ALKBH7: variants seen among roughly 807,000 people sequenced by gnomAD.
ALKBH7 encodes RNA demethylase ALKBH7, mitochondrial.
In ALKBH7, 21 loss-of-function variants were observed where a neutral mutation model predicts 19.3. The observed-to-expected ratio is 1.09, with a 90% CI of 0.77 to 1.56. The LOEUF is 1.56. ALKBH7 is among the 40% of genes most tolerant of loss of function. The probability of loss-of-function intolerance (pLI) is 0.00; values close to 1 mark genes in which losing one functional copy is unlikely to be tolerated. For missense variants in ALKBH7, 354 were observed against 311.4 expected, an observed-to-expected ratio of 1.14 and a Z score of -1.03; for synonymous variants, 147 against 139.5, an observed-to-expected ratio of 1.05 and a Z score of -0.38.
In ALKBH7 at chr19:6,375,127, A is replaced by G; in HGVS notation, c.*154A>G. On this transcript the variant is annotated 3_prime_UTR_variant, in exon 4 of 4. Coordinates refer to ENST00000245812, the MANE Select transcript of ALKBH7 (RefSeq NM_032306.4). ...GGGAGCTCCAGGTGTGGCTGGCTGGACACATGGTCAAAGTCACAAGGCCGG... is the reference window on the plus strand; with the variant it reads ...GGGAGCTCCAGGTGTGGCTGGCTGGGCACATGGTCAAAGTCACAAGGCCGG... 7.6e-7 allele frequency: 1 copy of G among 1,308,508 alleles called. No homozygotes were observed. The highest frequency in any genetic ancestry group is 1.6e-5 in the South Asian group (1 of 61,726). The allele number at this position is 1,308,508 out of a possible 1,614,324, so 81.1% of individuals were successfully genotyped here.
Position 6,372,846 on chromosome 19 carries a change from T to TGCGGACGCTGCCAGGGCCCA in ALKBH7, c.29_48dup (p.Trp17GlyfsTer17). 1.3e-6 allele frequency: 2 copies of TGCGGACGCTGCCAGGGCCCA among 1,547,714 alleles called. No individual in the cohort carries two copies. Among genetic ancestry groups the TGCGGACGCTGCCAGGGCCCA allele is most frequent in the East Asian group, 4.8e-5 (2 of 41,518 alleles). On this transcript the variant is annotated frameshift_variant, in exon 1 of 4. Transcript: ENST00000245812. LOFTEE classifies it high-confidence loss of function. ...ATGGCCGGGACTGGGCTGCTGGCGC[T>TGCGGACGCTGCCAGGGCCCA]GCGGACGCTGCCAGGGCCCAGCTGG...
At chr19:6,373,703 G>A (rs1005584395) in intron 1 of ALKBH7, 2 of 1,256,254 alleles carry the variant, frequency 1.6e-6, no homozygotes, top group South Asian at 3.4e-5. Flanking sequence ...CGGAGATAGG[G>A]GAGACACATG....
chr19:6,374,570 G>A lies in ALKBH7; in HGVS notation c.484G>A (p.Gly162Ser), dbSNP rs531006594. ...GEWLELLLEP[G>S]SLYILRGSAR... Reference sequence around the variant, plus strand: ...GTGGCTGGAACTCTTGCTGGAGCCGGGCTCCCTCTACATCCTTAGGTACCT... The same window carrying A: ...GTGGCTGGAACTCTTGCTGGAGCCGAGCTCCCTCTACATCCTTAGGTACCT... Residue 162 changes from glycine (G) to serine (S), a missense_variant, in exon 3 of 4, where the codon GGC becomes AGC. By Grantham distance (56) the Gly-to-Ser change is moderately conservative. Transcript: ENST00000245812. 6.2e-7 allele frequency: 1 copy of A among 1,613,418 alleles called. No homozygotes were observed. Among genetic ancestry groups the A allele is most frequent in the South Asian group, 1.1e-5 (1 of 91,052 alleles).
intron 3 of ALKBH7, 94 bp from the exon 4 acceptor site, chr19:6,374,717 G>T (rs1330335889): frequency 1.3e-6 from 2 of 1,596,044 alleles, no homozygotes; most frequent in Non-Finnish European, 1.7e-6. Flanking sequence ...GTGGGAGGCA[G>T]CAGGGGGCTG....
At chr19:6,374,169 G>A in intron 1 of ALKBH7, 34 bp from the exon 2 acceptor site, 1 of 1,597,850 alleles carries the variant, frequency 6.3e-7, no homozygotes, top group Non-Finnish European at 8.5e-7. Context: ...GTTCCCTCTG[G>A]GAGCTCCCAG....
chr19:6,373,589 G>C, intron 1 of ALKBH7: 1 of 1,202,184 alleles, frequency 8.3e-7, no homozygotes, highest in Non-Finnish European at 1.0e-6. Context: ...GCGGGGCCAA[G>C]CTTGGGGCGG....
intron 1 of ALKBH7, among the ~76,000 whole-genome samples, chr19:6,373,300 A>T: frequency 3.3e-5 from 2 of 60,324 alleles, no homozygotes; most frequent in African/African-American, 6.5e-5. Context: ...GCGGGGACAA[A>T]GGAGACAGCG....
chr19:6,374,176 C>T, intron 1 of ALKBH7, 27 bp from the exon 2 acceptor site: 1 of 1,602,798 alleles, frequency 6.2e-7, no homozygotes. Flanking sequence ...CTGGGAGCTC[C>T]CAGGCTTAAC....
At chr19:6,373,866 G>C in intron 1 of ALKBH7, 1 of 1,314,972 alleles carries the variant, frequency 7.6e-7, no homozygotes, top group Non-Finnish European at 9.6e-7. Context: ...TTTGCGACCT[G>C]GGACCAAGGT....
chr19:6,375,194 G>T lies in ALKBH7; in HGVS notation c.*221G>T, dbSNP rs2091915598. ...ATTGCACTCACTGCTGGTCGCCCCA[G>T]CCCACTCCCCTCCTCGTTGTCTCTG... On this transcript the variant is annotated 3_prime_UTR_variant, in exon 4 of 4. Coordinates refer to ENST00000245812, the MANE Select transcript of ALKBH7 (RefSeq NM_032306.4). 7.5e-7 allele frequency: 1 copy of T among 1,339,330 alleles called. No homozygotes were observed. Among genetic ancestry groups the T allele is most frequent in the Non-Finnish European group, 9.7e-7 (1 of 1,030,038 alleles). The allele number at this position is 1,339,330 out of a possible 1,614,324, so 83.0% of individuals were successfully genotyped here.
intron 1 of ALKBH7, chr19:6,373,675 G>T: frequency 8.0e-7 from 1 of 1,253,870 alleles, no homozygotes; most frequent in Non-Finnish European, 1.0e-6. Flanking sequence ...TTTAGAGAGG[G>T]CAGAACCACG....
chr19:6,373,151 C>T (rs1017045267), intron 1 of ALKBH7, 127 bp downstream of exon 1: 1 of 1,276,384 alleles, frequency 7.8e-7, no homozygotes. Flanking sequence ...GGAGCGGGGA[C>T]AGAGGAGACG....
Position 6,374,729 on chromosome 19 carries a change from A to C in ALKBH7, c.504-82A>C, listed in dbSNP as rs922084170. 13 of 1,593,190 alleles carry C rather than the reference A, an allele frequency of 8.2e-6. No individual in the cohort carries two copies. In the Admixed American group the frequency reaches 2.3e-4, roughly 28 times the overall value. On this transcript the variant is annotated intron_variant, in intron 3 of 3. Coordinates refer to ENST00000245812, the MANE Select transcript of ALKBH7 (RefSeq NM_032306.4). ...TGTGTGGGAGGCAGCAGGGGGCTGG[A>C]ATCCAGGAGGCTGGAATCCAGGTCT...
chr19:6,373,563 C>T, intron 1 of ALKBH7: 2 of 1,025,618 alleles, frequency 2.0e-6, no homozygotes, highest in Non-Finnish European at 2.5e-6. Context: ...GTCAGGTCGT[C>T]GAGCGCATGG....
chr19:6,373,651 CG>C (rs1424640585), intron 1 of ALKBH7: 3 of 1,139,974 alleles, frequency 2.6e-6, no homozygotes, highest in East Asian at 7.6e-5. Flanking sequence ...GTGGGGGGGA[CG>C]GGGAAGTCGA....
In ALKBH7 at chr19:6,374,191, C is replaced by G; in HGVS notation, c.205-12C>G. 6.2e-7 allele frequency: 1 copy of G among 1,607,908 alleles called. No individual in the cohort carries two copies. Among genetic ancestry groups the G allele is most frequent in the South Asian group, 1.1e-5 (1 of 90,524 alleles). ...CTGGGAGCTCCCAGGCTTAACCGAG[C>G]TCTCTGTGCAGGCCATCCACGGCTT... is the stretch of plus-strand genomic sequence containing the variant. On this transcript the variant is annotated splice_polypyrimidine_tract_variant and intron_variant, in intron 1 of 3. Coordinates refer to ENST00000245812, the MANE Select transcript of ALKBH7 (RefSeq NM_032306.4).
rs928733168 is a variant in ALKBH7 at position 6,372,903 on chromosome 19, G to A, written c.83G>A (p.Arg28His). The A allele has an allele frequency of 8.4e-6, 13 of 1,554,352 alleles. No individual in the cohort carries two copies. The Admixed American group carries it at 9.7e-5, about 12-fold the overall frequency. Residue 28 changes from arginine to histidine, a missense_variant, in exon 1 of 4, where the codon CGC becomes CAC. Coordinates refer to ENST00000245812, the MANE Select transcript of ALKBH7 (RefSeq NM_032306.4). ...VRGSGPSVLS[R>H]LQDAAVVRPG... ...GGCTCGGGCCCTTCCGTGCTGAGCCGCCTGCAGGACGCGGCCGTGGTGCGG... is the reference window on the plus strand; with the variant it reads ...GGCTCGGGCCCTTCCGTGCTGAGCCACCTGCAGGACGCGGCCGTGGTGCGG...
At position 6,374,963 on chromosome 19, in the gene ALKBH7, C is replaced by T. The variant is rs2091914467; in HGVS notation, c.656C>T (p.Pro219Leu). The change falls in exon 4 of 4, where the codon CCA (proline) becomes CTA (leucine). Residue 219 changes from proline to leucine, a missense_variant. Transcript: ENST00000245812. The part of the protein sequence containing the change: ...MGPGESGQPP[P>L]AC ...CCAGGGGAGTCTGGACAGCCGCCCC[C>T]AGCCTGCTGACCCCCAGCTTTCTAC... 1 of 1,596,826 alleles carries T rather than the reference C, an allele frequency of 6.3e-7. No homozygotes were observed. The highest frequency in any genetic ancestry group is 1.3e-5 in the African/African-American group (1 of 74,640).
In ALKBH7 at chr19:6,372,844, G is replaced by A. The variant is rs1218555682; in HGVS notation, c.24G>A (p.Ala8=). MAGTGLL[A]LRTLPGPSWV... The stretch of plus-strand genomic sequence containing the variant: ...TTATGGCCGGGACTGGGCTGCTGGC[G>A]CTGCGGACGCTGCCAGGGCCCAGCT... The change falls in exon 1 of 4, where the codon GCG becomes GCA. Residue 8 remains alanine (A), a synonymous_variant. Transcript: ENST00000245812. 1.3e-6 allele frequency: 2 copies of A among 1,547,156 alleles called. No homozygotes were observed. The highest frequency in any genetic ancestry group is 2.3e-4 in the Middle Eastern group (1 of 4,366).
Sources: allele counts gnomAD v4.1 joint callset (sites outside exome capture counted in the v4.1 genomes callset), GRCh38; gene constraint gnomAD v4.1.1; transcripts MANE v1.5; gene names NCBI Gene and HGNC (gene_info 2026-07-23, HGNC 2026-07-21).